The following CCDC148 variants were observed in gnomAD, a reference collection of about 807,000 sequenced individuals.
CCDC148 encodes the protein coiled-coil domain-containing protein 148.
A neutral mutation model predicts 85.7 loss-of-function variants in CCDC148; 89 were observed. The observed-to-expected ratio is 1.04, with a 90% CI of 0.87 to 1.24. The LOEUF is 1.24. Ranked by LOEUF, CCDC148 falls within the 50% of genes most tolerant of loss-of-function variation. CCDC148 has a pLI of 0.00. For missense variants in CCDC148, 692 were observed against 671.7 expected, an observed-to-expected ratio of 1.03 and a Z score of -0.33; for synonymous variants, 230 against 213.9, an observed-to-expected ratio of 1.08 and a Z score of -0.66.
intron 9 of CCDC148, among the ~76,000 whole-genome samples, chr2:158,272,424 T>C (rs2105163757): frequency 6.6e-6 from 1 of 152,290 alleles, no homozygotes; most frequent in South Asian, 2.1e-4. Flanking sequence ...AAAGTATTCT[T>C]GAATAAAAGT....
intron 1 of CCDC148, among the ~76,000 whole-genome samples, chr2:158,373,866 A>T (rs1684548393): frequency 6.6e-6 from 1 of 152,094 alleles, no homozygotes; most frequent in South Asian, 2.1e-4. Context: ...CACGTCTACA[A>T]TTAGGATATA....
intron 11 of CCDC148, among the ~76,000 whole-genome samples, chr2:158,185,194 T>C (rs1685097440): frequency 2.0e-5 from 3 of 152,114 alleles, no homozygotes; most frequent in African/African-American, 7.2e-5. Context: ...CACACATGGA[T>C]GACAGGTTCT....
chr2:158,250,733 C>A, intron 10 of CCDC148, 39 bp downstream of exon 10: 1 of 1,502,862 alleles, frequency 6.7e-7, no homozygotes, highest in Non-Finnish European at 8.8e-7. Context: ...GGCCATTAAG[C>A]ATTCATTCAC....
intron 1 of CCDC148, among the ~76,000 whole-genome samples, chr2:158,372,856 T>G (rs187688316): frequency 6.6e-6 from 1 of 152,154 alleles, no homozygotes; most frequent in East Asian, 1.9e-4. Context: ...TTACCTTATT[T>G]GTACTTTACC....
chr2:158,283,899 G>T (rs1690476924), intron 9 of CCDC148, among the ~76,000 whole-genome samples: 1 of 151,810 alleles, frequency 6.6e-6, no homozygotes, highest in Non-Finnish European at 1.5e-5. Flanking sequence ...ATGATAGACT[G>T]GATTAAGAAA....
intron 9 of CCDC148, among the ~76,000 whole-genome samples, chr2:158,267,904 T>C (rs1689538745): frequency 3.3e-5 from 5 of 152,156 alleles, no homozygotes; most frequent in Admixed American, 2.6e-4. Flanking sequence ...TGCTCATCCA[T>C]GTTGTTCCAT....
chr2:158,187,995 T>C (rs912463176), intron 11 of CCDC148, among the ~76,000 whole-genome samples: 6 of 152,012 alleles, frequency 3.9e-5, no homozygotes, highest in African/African-American at 1.4e-4. Flanking sequence ...TGACATCTTC[T>C]TGTGCAAAGT....
intron 1 of CCDC148, among the ~76,000 whole-genome samples, chr2:158,406,170 C>A (rs1685988211): frequency 6.6e-6 from 1 of 152,072 alleles, no homozygotes; most frequent in Admixed American, 6.6e-5. Context: ...AGCTGGAATG[C>A]TAGAAATGAA....
intron 1 of CCDC148, among the ~76,000 whole-genome samples, chr2:158,439,485 G>A (rs369940819): frequency 2.6e-5 from 4 of 152,044 alleles, no homozygotes; most frequent in South Asian, 2.1e-4. Flanking sequence ...GTGGGGTGGC[G>A]GCAGGGGGGA....
chr2:158,450,339 G>A (rs1031097258), intron 1 of CCDC148, among the ~76,000 whole-genome samples: 2 of 152,158 alleles, frequency 1.3e-5, no homozygotes, highest in African/African-American at 4.8e-5. Context: ...TTTTACAACA[G>A]CCCTCTACTG....
At chr2:158,387,660 A>C in intron 1 of CCDC148, among the ~76,000 whole-genome samples, 1 of 150,594 alleles carries the variant, frequency 6.6e-6, no homozygotes, top group Non-Finnish European at 1.5e-5. Flanking sequence ...CCCCCACCCC[A>C]TTGCGTGAGC....
chr2:158,221,080 T>A (rs769052916), intron 10 of CCDC148, among the ~76,000 whole-genome samples: 10 of 152,232 alleles, frequency 6.6e-5, no homozygotes, highest in Non-Finnish European at 1.2e-4. Context: ...TATCTTCTTA[T>A]GGTAATGCAG....
At chr2:158,442,556 C>T (rs1157375805) in intron 1 of CCDC148, among the ~76,000 whole-genome samples, 5 of 152,180 alleles carry the variant, frequency 3.3e-5, no homozygotes, top group Non-Finnish European at 7.3e-5. Flanking sequence ...GCCAGTCTTC[C>T]TCTTCTCATC....
chr2:158,456,498 C>A lies in CCDC148; in HGVS notation c.-59G>T. 1 of 1,587,870 alleles carries A rather than the reference C, an allele frequency of 6.3e-7. No individual in the cohort carries two copies. Among genetic ancestry groups the A allele is most frequent in the Non-Finnish European group, 8.6e-7 (1 of 1,166,834 alleles). ...CCCAAACGCAGGAAAAGTGAAACGC[C>A]CACTCCTGGGCTCTCGCCGTCAGGG... On this transcript the variant is annotated 5_prime_UTR_variant, in exon 1 of 14. Transcript: ENST00000283233.
chr2:158,341,082 C>G (rs879777641), intron 3 of CCDC148, among the ~76,000 whole-genome samples: 1 of 152,040 alleles, frequency 6.6e-6, no homozygotes, highest in African/African-American at 2.4e-5. Flanking sequence ...TCTAGACCAA[C>G]AAGGAGGTAA....
At chr2:158,446,705 T>G (rs913423543) in intron 1 of CCDC148, among the ~76,000 whole-genome samples, 1 of 152,212 alleles carries the variant, frequency 6.6e-6, no homozygotes, top group Non-Finnish European at 1.5e-5. Flanking sequence ...TGTGGAACCA[T>G]TACCACTATC....
intron 5 of CCDC148, among the ~76,000 whole-genome samples, chr2:158,339,772 T>G (rs969996292): frequency 5.3e-5 from 8 of 152,292 alleles, no homozygotes; most frequent in African/African-American, 1.9e-4. Flanking sequence ...GGGCCTGGCA[T>G]GTTGGAGAAA....
At chr2:158,447,794 C>CT (rs1320957381) in intron 1 of CCDC148, among the ~76,000 whole-genome samples, 1 of 152,070 alleles carries the variant, frequency 6.6e-6, no homozygotes, top group Admixed American at 6.5e-5. Context: ...GATACAAGTA[C>CT]TTTATCAGAT....
chr2:158,354,679 A>C (rs1683526056), intron 2 of CCDC148, among the ~76,000 whole-genome samples: 1 of 151,994 alleles, frequency 6.6e-6, no homozygotes, highest in Admixed American at 6.6e-5. Context: ...TTCCTTCTGA[A>C]ACTATTCCAA....
Sources: allele counts gnomAD v4.1 joint callset (sites outside exome capture counted in the v4.1 genomes callset), GRCh38; gene constraint gnomAD v4.1.1; transcripts MANE v1.5; gene names NCBI Gene and HGNC (gene_info 2026-07-23, HGNC 2026-07-21).